Variants in ALCAM observed in about 807,000 individuals in gnomAD.
ALCAM encodes the protein activated leukocyte cell adhesion molecule, also known as CD166 antigen.
Under a neutral mutation model 70.9 loss-of-function variants are expected in ALCAM, and 30 were observed. The observed-to-expected ratio is 0.42, with a 90% CI of 0.32 to 0.57. The LOEUF is 0.57. Ranked by LOEUF, ALCAM falls within the 20% of genes least tolerant of loss-of-function variation. The pLI is 0.11. For synonymous variants in ALCAM, 249 were observed against 242.5 expected (o/e 1.03, Z -0.25); for missense variants, 591 against 695.1 (o/e 0.85, Z 1.68).
At chr3:105,412,855 G>A (rs1422163939) in intron 1 of ALCAM, among the ~76,000 whole-genome samples, 1 of 152,100 alleles carries the variant, frequency 6.6e-6, no homozygotes, top group African/African-American at 2.4e-5. Context: ...GAACTGATGG[G>A]TGTGTTAATA....
chr3:105,470,457 A>G (rs1261581749), intron 1 of ALCAM, among the ~76,000 whole-genome samples: 3 of 151,260 alleles, frequency 2.0e-5, no homozygotes, highest in African/African-American at 7.3e-5. Context: ...CCATGTTCAT[A>G]GAAGTTAGGA....
chr3:105,572,769 T>C (rs556570056), intron 15 of ALCAM, among the ~76,000 whole-genome samples: 10 of 152,158 alleles, frequency 6.6e-5, no homozygotes, highest in Non-Finnish European at 1.5e-4. Flanking sequence ...AAAGGAAACT[T>C]TCGTGACTCA....
rs534744631 is a variant in ALCAM, at chr3:105,551,990, T to C, written c.1508-154T>C. ...ATTAATTTCTTTGTAGGCAAGGTCA[T>C]ACTTTATTAAGTGTGATTTTTTTTT... On this transcript the variant is annotated intron_variant, in intron 12 of 15. Coordinates refer to ENST00000306107, the MANE Select transcript of ALCAM (RefSeq NM_001627.4). Among the ~76,000 whole-genome samples, 264 of 148,502 alleles carry C rather than the reference T, an allele frequency of 1.8e-3. 1 individual carries two copies. The highest frequency in any genetic ancestry group is 6.1e-3 in the African/African-American group (251 of 41,174).
At chr3:105,537,214 C>G (rs1440100012) in intron 6 of ALCAM, among the ~76,000 whole-genome samples, 3 of 152,074 alleles carry the variant, frequency 2.0e-5, no homozygotes, top group Non-Finnish European at 2.9e-5. Context: ...TTGTTTTGAT[C>G]TGATTTCTGC....
intron 1 of ALCAM, among the ~76,000 whole-genome samples, chr3:105,518,114 AT>A (rs35053758): frequency 0.099 from 15,079 of 152,048 alleles, 1,064 homozygotes; most frequent in East Asian, 0.23. Context: ...TGGAAAAGGA[AT>A]TTTCTTATTT....
intron 1 of ALCAM, among the ~76,000 whole-genome samples, chr3:105,512,491 T>C (rs1443216495): frequency 6.6e-6 from 1 of 151,936 alleles, no homozygotes; most frequent in Non-Finnish European, 1.5e-5. Flanking sequence ...ACTGATACTC[T>C]GAAATAGTTA....
intron 5 of ALCAM, among the ~76,000 whole-genome samples, 195 bp downstream of exon 5, chr3:105,533,885 A>AAC (rs1939906597): frequency 6.6e-6 from 1 of 152,122 alleles, no homozygotes; most frequent in Admixed American, 6.6e-5. Context: ...TTTATTGTGT[A>AAC]CTTTATTTCT....
chr3:105,542,304 T>C (rs766934398), intron 8 of ALCAM, among the ~76,000 whole-genome samples: 1 of 151,862 alleles, frequency 6.6e-6, no homozygotes, highest in Non-Finnish European at 1.5e-5. Context: ...TGAAAATCAC[T>C]GTGGACATAA....
intron 1 of ALCAM, among the ~76,000 whole-genome samples, chr3:105,460,951 A>G (rs938122651): frequency 6.7e-6 from 1 of 150,138 alleles, no homozygotes; most frequent in Non-Finnish European, 1.5e-5. Context: ...CCTAAGAGAT[A>G]TATAGATAGA....
chr3:105,476,254 C>T (rs556177225), intron 1 of ALCAM, among the ~76,000 whole-genome samples: 2 of 152,186 alleles, frequency 1.3e-5, no homozygotes, highest in South Asian at 4.1e-4. Context: ...ACTTCCAATG[C>T]TGGAATTCCT....
At chr3:105,457,930 G>A (rs1234368764) in intron 1 of ALCAM, among the ~76,000 whole-genome samples, 4 of 152,116 alleles carry the variant, frequency 2.6e-5, no homozygotes, top group Non-Finnish European at 5.9e-5. Context: ...TATCCTGAAT[G>A]TTTAGTTACC....
intron 1 of ALCAM, among the ~76,000 whole-genome samples, chr3:105,514,250 T>A (rs950602927): frequency 2.0e-5 from 3 of 151,898 alleles, no homozygotes; most frequent in Admixed American, 6.6e-5. Flanking sequence ...AGGTGTCCAA[T>A]AAATATTTGA....
At chr3:105,457,303 A>G (rs1209250100) in intron 1 of ALCAM, among the ~76,000 whole-genome samples, 2 of 152,086 alleles carry the variant, frequency 1.3e-5, no homozygotes, top group Non-Finnish European at 2.9e-5. Flanking sequence ...TCTGTCATTG[A>G]TGAGCATTTA....
chr3:105,483,375 A>C (rs147568005), intron 1 of ALCAM, among the ~76,000 whole-genome samples: 14 of 152,266 alleles, frequency 9.2e-5, no homozygotes, highest in African/African-American at 3.1e-4. Flanking sequence ...GAAAGATATT[A>C]GGAGAACTTT....
rs181777493 is a variant in ALCAM at position 105,414,205 on chromosome 3, T to C, written c.73+46724T>C. Among the ~76,000 whole-genome samples, 619 of 150,526 alleles carry C rather than the reference T, an allele frequency of 4.1e-3. 4 individuals are homozygous for C. The highest frequency in any genetic ancestry group is 6.9e-3 in the Non-Finnish European group (468 of 67,752). ...CCTGAGCCCAGGAGTTTGCCACCAG[T>C]CTGGGCAAAACCGATGGAATGATGA... is the stretch of plus-strand genomic sequence containing the variant. On this transcript the variant is annotated intron_variant, in intron 1 of 15. Transcript: ENST00000306107.
At chr3:105,518,759 CTT>C (rs1190572881) in intron 1 of ALCAM, among the ~76,000 whole-genome samples, 1 of 152,002 alleles carries the variant, frequency 6.6e-6, no homozygotes, top group Non-Finnish European at 1.5e-5. Context: ...TGCATTCTCA[CTT>C]TGCATATTTG....
intron 14 of ALCAM, among the ~76,000 whole-genome samples, chr3:105,562,822 T>A (rs1265680897): frequency 6.6e-6 from 1 of 152,082 alleles, no homozygotes; most frequent in East Asian, 1.9e-4. Flanking sequence ...TTTTTCTGTT[T>A]AAGACAGAGT....
At chr3:105,464,617 A>G (rs1406820720) in intron 1 of ALCAM, among the ~76,000 whole-genome samples, 2 of 151,446 alleles carry the variant, frequency 1.3e-5, no homozygotes, top group Non-Finnish European at 3.0e-5. Context: ...ATAAAAACAG[A>G]AAAGTTTTAG....
chr3:105,487,723 A>G (rs1464572821), intron 1 of ALCAM, among the ~76,000 whole-genome samples: 1 of 152,156 alleles, frequency 6.6e-6, no homozygotes, highest in African/African-American at 2.4e-5. Context: ...GTAGAAGGTA[A>G]AACTGAGTTT....
Sources: allele counts gnomAD v4.1 joint callset (sites outside exome capture counted in the v4.1 genomes callset), GRCh38; gene constraint gnomAD v4.1.1; transcripts MANE v1.5; gene names NCBI Gene and HGNC (gene_info 2026-07-23, HGNC 2026-07-21).